COMP: variants seen among roughly 807,000 people sequenced by gnomAD.
COMP encodes the protein cartilage oligomeric matrix protein (pseudoachondroplasia, epiphyseal dysplasia 1, multiple).
In COMP, 79 loss-of-function variants were observed where a neutral mutation model predicts 95.8. The ratio of observed to expected loss-of-function variants is 0.82; its 90% CI spans 0.69 to 0.99. The LOEUF is 0.99. COMP is among the 50% of genes least tolerant of loss of function. The pLI, the probability that COMP is intolerant of heterozygous loss-of-function variation, is 0.00. For synonymous variants in COMP, 438 were observed against 433.9 expected (o/e 1.01, Z -0.12); for missense variants, 906 against 1,076.1 (o/e 0.84, Z 2.21).
rs373921516 is a variant in COMP, at chr19:18,790,940, G to A, written c.80-5C>T. 1.3e-6 allele frequency: 2 copies of A among 1,554,256 alleles called. No individual in the cohort carries two copies. The highest frequency in any genetic ancestry group is 1.9e-5 in the Admixed American group (1 of 51,678). On this transcript the variant is annotated splice_polypyrimidine_tract_variant and splice_region_variant and intron_variant, in intron 1 of 18. Coordinates refer to ENST00000222271, the MANE Select transcript of COMP (RefSeq NM_000095.3). Reference sequence around the variant, plus strand: ...TCTGCGGGCCCAGGTCTGAGCCTGCGGCGGCAGGGGACCTGGTGAGGCGTC... The same window carrying A: ...TCTGCGGGCCCAGGTCTGAGCCTGCAGCGGCAGGGGACCTGGTGAGGCGTC...
Position 18,784,668 on chromosome 19 carries a change from G to T in COMP, c.1914+228C>A, listed in dbSNP as rs532383419. 6.6e-6 allele frequency among the ~76,000 whole-genome samples: 1 copy of T among 152,190 alleles called. No individual in the cohort carries two copies. Among genetic ancestry groups the T allele is most frequent in the African/African-American group, 2.4e-5 (1 of 41,512 alleles). ...GGAAAAGTTTAGGGCTGTGTGAGAG[G>T]GTTTAGGGTCCATAGGAAGACTGGG... On this transcript the variant is annotated intron_variant, in intron 16 of 18. Transcript: ENST00000222271. This position sits in a 1 kb window ranked among gnomAD's most constrained non-coding sequence, Gnocchi z 4.9.
intron 17 of COMP, 53 bp from the exon 18 acceptor site, chr19:18,783,246 T>G: frequency 6.3e-7 from 1 of 1,591,608 alleles, no homozygotes; most frequent in Non-Finnish European, 8.5e-7. Flanking sequence ...CCCTTCCCTC[T>G]CAGAGCTTCA....
chr19:18,784,395 C>T lies in COMP; in HGVS notation c.1915-32G>A, dbSNP rs1601051555. On this transcript the variant is annotated intron_variant, in intron 16 of 18. Transcript: ENST00000222271. This position sits in a 1 kb window ranked among gnomAD's most constrained non-coding sequence, Gnocchi z 4.9. ...ATACCCAGGAAAGGTGGTCAGAGAC[C>T]TCGTGGGCCACCGGAGCCCCCCTAG... 2 of 1,613,114 alleles carry T rather than the reference C, an allele frequency of 1.2e-6. No homozygotes were observed. The highest frequency in any genetic ancestry group is 1.7e-6 in the Non-Finnish European group (2 of 1,179,718).
rs1601054895 is a variant in COMP, at chr19:18,786,743, G to T, written c.1136-93C>A. On this transcript the variant is annotated intron_variant, in intron 10 of 18. Transcript: ENST00000222271. ...GCCAGCCTGAGGCTGGCCTGGAACA[G>T]AGTCCCAACTTCATGGAAGCTTTTT... The T allele has an allele frequency of 2.2e-5, 12 of 553,184 alleles. No homozygotes were observed. The East Asian group carries it at 5.7e-4, about 26-fold the overall frequency. The allele number at this position is 553,184 out of a possible 1,614,324, so 34.3% of individuals were successfully genotyped here.
intron 9 of COMP, 136 bp from the exon 10 acceptor site, chr19:18,787,786 C>T (rs949980338): frequency 3.5e-6 from 4 of 1,154,158 alleles, no homozygotes; most frequent in Non-Finnish European, 2.5e-6. Flanking sequence ...AGGCCACGCC[C>T]CTCATCCAAG....
At position 18,788,712 on chromosome 19, in the gene COMP, C is replaced by T; in HGVS notation, c.642G>A (p.Val214=). The change falls in exon 7 of 19, where the codon GTG becomes GTA. Residue 214 remains valine (V), a synonymous_variant. Coordinates refer to ENST00000222271, the MANE Select transcript of COMP (RefSeq NM_000095.3). The surrounding 1 kb of genome is among the most constrained non-coding windows in gnomAD (Gnocchi z 4.7). ...FQCGPCQPGF[V]GDQASGCQRR... Reference sequence around the variant, plus strand: ...GCTGGCAGCCGGACGCCTGGTCGCCCACGAAGCCGGGCTGGCACGGGCCGC... The same window carrying T: ...GCTGGCAGCCGGACGCCTGGTCGCCTACGAAGCCGGGCTGGCACGGGCCGC... 1 of 1,542,328 alleles carries T rather than the reference C, an allele frequency of 6.5e-7. No individual in the cohort carries two copies. Among genetic ancestry groups the T allele is most frequent in the Non-Finnish European group, 8.7e-7 (1 of 1,145,022 alleles).
chr19:18,791,127 C>T, intron 1 of COMP, 64 bp downstream of exon 1: 5 of 1,536,970 alleles, frequency 3.3e-6, no homozygotes, highest in Non-Finnish European at 3.5e-6. Flanking sequence ...GATCCCGGGC[C>T]TCTCACGGGT....
Position 18,788,615 on chromosome 19 carries a change from G to T in COMP, c.739C>A (p.Arg247Ser), listed in dbSNP as rs537695502. 6.5e-6 allele frequency: 10 copies of T among 1,549,852 alleles called. 1 individual carries two copies. In the Middle Eastern group the frequency reaches 8.3e-4, roughly 129 times the overall value. The stretch of plus-strand genomic sequence containing the variant: ...ACCACGCACGACCGCGAGCCATCGC[G>T]CTCTAGGACGCAGTCTGCATGCTCG... ...CHEHADCVLE[R>S]DGSRSCVCAV... is the part of the protein sequence containing the mutation. Residue 247 changes from arginine to serine, a missense_variant, in exon 7 of 19, where the codon CGC becomes AGC. Physicochemically the swap from Arg to Ser is moderately radical, Grantham distance 110. Coordinates refer to ENST00000222271, the MANE Select transcript of COMP (RefSeq NM_000095.3). The surrounding 1 kb of genome is among the most constrained non-coding windows in gnomAD (Gnocchi z 4.7).
At chr19:18,787,268 T>C (rs527522148) in intron 10 of COMP, among the ~76,000 whole-genome samples, 286 of 152,368 alleles carry the variant, frequency 1.9e-3, no homozygotes, top group Non-Finnish European at 3.5e-3. Flanking sequence ...GCCTGCGGCA[T>C]TGACACAGGG....
At position 18,790,584 on chromosome 19, in the gene COMP, C is replaced by G; in HGVS notation, c.195G>C (p.Thr65=). The part of the protein sequence containing the change: ...QVREITFLKN[T]VMECDACGMQ... Reference sequence around the variant, plus strand: ...CACCGCACGCGTCACACTCCATCACCGTGTTTTTCAGGAACGTGATCTCCC... The same window carrying G: ...CACCGCACGCGTCACACTCCATCACGGTGTTTTTCAGGAACGTGATCTCCC... Residue 65 remains threonine, a synonymous_variant, in exon 3 of 19, where the codon ACG becomes ACC. Transcript: ENST00000222271. The G allele has an allele frequency of 8.1e-6, 13 of 1,613,942 alleles. No individual in the cohort carries two copies. The highest frequency in any genetic ancestry group is 1.1e-5 in the Non-Finnish European group (13 of 1,179,888).
In COMP at chr19:18,789,857, T is replaced by C. The variant is rs941992247; in HGVS notation, c.390+85A>G. 2.7e-6 allele frequency: 4 copies of C among 1,498,924 alleles called. No individual in the cohort carries two copies. The African/African-American group carries it at 4.1e-5, about 15-fold the overall frequency. The allele number at this position is 1,498,924 out of a possible 1,614,324, so 92.9% of individuals were successfully genotyped here. A position where few individuals can be genotyped will look rare whatever the true frequency, so the allele number is the denominator to read the frequency against. ...GGCTCTTCGGGGCGAACACTCCCAG[T>C]GGAGGAAGGGGTCTCCCGGGCGGCG... is the stretch of plus-strand genomic sequence containing the variant. On this transcript the variant is annotated intron_variant, in intron 4 of 18. Coordinates refer to ENST00000222271, the MANE Select transcript of COMP (RefSeq NM_000095.3). The surrounding 1 kb of genome is among the most constrained non-coding windows in gnomAD (Gnocchi z 6.1).
intron 3 of COMP, 128 bp from the exon 4 acceptor site, chr19:18,790,242 G>A: frequency 1.4e-6 from 1 of 699,056 alleles, no homozygotes; most frequent in Non-Finnish European, 2.2e-6. Flanking sequence ...GGGGCGGCCC[G>A]AAATCCTGCG....
rs1450602565 is a variant in COMP at position 18,789,620 on chromosome 19, T to C, written c.390+322A>G. Among the ~76,000 whole-genome samples the C allele has an allele frequency of 6.1e-5, 9 of 146,384 alleles. No individual in the cohort carries two copies. Among genetic ancestry groups the C allele is most frequent in the African/African-American group, 2.1e-4 (8 of 38,804 alleles). Reference sequence around the variant, plus strand: ...GGTCTGGGCGTGCGTTCCCTGGCTGTGGAAGGGTCGTTGGGACTGGCGATC... The same window carrying C: ...GGTCTGGGCGTGCGTTCCCTGGCTGCGGAAGGGTCGTTGGGACTGGCGATC... On this transcript the variant is annotated intron_variant, in intron 4 of 18. Transcript: ENST00000222271. This position sits in a 1 kb window ranked among gnomAD's most constrained non-coding sequence, Gnocchi z 6.1.
chr19:18,789,588 G>T lies in COMP; in HGVS notation c.391-291C>A, dbSNP rs942140763. Reference sequence around the variant, plus strand: ...CGTCGGGGCGTGCGTGCCCGGCGGTGGCGGGGGGTCTGGGCGTGCGTTCCC... The same window carrying T: ...CGTCGGGGCGTGCGTGCCCGGCGGTTGCGGGGGGTCTGGGCGTGCGTTCCC... On this transcript the variant is annotated intron_variant, in intron 4 of 18. Transcript: ENST00000222271. The surrounding 1 kb of genome is among the most constrained non-coding windows in gnomAD (Gnocchi z 6.1). Among the ~76,000 whole-genome samples, 1 of 151,924 alleles carries T rather than the reference G, an allele frequency of 6.6e-6. No individual in the cohort carries two copies. Among genetic ancestry groups the T allele is most frequent in the Non-Finnish European group, 1.5e-5 (1 of 67,962 alleles).
At position 18,782,884 on chromosome 19, in the gene COMP, GC is replaced by G. The variant is rs1363780611; in HGVS notation, c.*30del. The G allele has an allele frequency of 6.2e-7, 1 of 1,608,384 alleles. No homozygotes were observed. The highest frequency in any genetic ancestry group is 2.2e-5 in the East Asian group (1 of 44,888). On this transcript the variant is annotated 3_prime_UTR_variant, in exon 19 of 19. Coordinates refer to ENST00000222271, the MANE Select transcript of COMP (RefSeq NM_000095.3). Reference sequence around the variant, plus strand: ...CCCCCATCCAGCCGCGGTGAGGGTGGCTGTCATCCGGCGGGTCCTCACCCTG... The same window carrying G: ...CCCCCATCCAGCCGCGGTGAGGGTGGTGTCATCCGGCGGGTCCTCACCCTG...
chr19:18,789,231 C>A lies in COMP; in HGVS notation c.457G>T (p.Ala153Ser), dbSNP rs769066350. 2.6e-6 allele frequency: 4 copies of A among 1,532,502 alleles called. No individual in the cohort carries two copies. 94.9% of individuals were successfully genotyped at this position (1,532,502 alleles called of 1,614,324 possible). ...INTSPGFRCE[A>S]CPPGYSGPTH... ...GGGCCGCTGTACCCCGGCGGGCAAG[C>A]CTCGCAGCGGAACCCCGGGCTGGTG... Residue 153 changes from alanine (A) to serine (S), a missense_variant, in exon 5 of 19, where the codon GCT becomes TCT. Ala to Ser is a moderately conservative substitution (Grantham distance 99). Coordinates refer to ENST00000222271, the MANE Select transcript of COMP (RefSeq NM_000095.3). This position sits in a 1 kb window ranked among gnomAD's most constrained non-coding sequence, Gnocchi z 6.1.
chr19:18,787,122 G>A (rs1311193324), intron 10 of COMP: 6 of 408,542 alleles, frequency 1.5e-5, no homozygotes, highest in East Asian at 5.7e-5. Context: ...CTAGTGAGGG[G>A]GACGGGCTCT....
At chr19:18,785,466 G>C (rs749401915) in intron 15 of COMP, 32 bp downstream of exon 15, 6 of 1,609,078 alleles carry the variant, frequency 3.7e-6, no homozygotes, top group African/African-American at 2.7e-5. Flanking sequence ...AGCCCGCTCC[G>C]TGGCAGGATA....
chr19:18,790,306 G>A (rs926664686), intron 3 of COMP, among the ~76,000 whole-genome samples, 192 bp from the exon 4 acceptor site: 12 of 150,940 alleles, frequency 8.0e-5, no homozygotes, highest in Admixed American at 6.6e-4. Context: ...GGTCTCCCCG[G>A]TCTCTTCTCT....
Sources: gnomAD v4.1 joint callset for allele counts (sites outside exome capture counted in the v4.1 genomes callset) on GRCh38, gnomAD v4.1.1 for gene constraint, Gnocchi (gnomAD v3.1) non-coding constraint, MANE v1.5 for transcripts, NCBI Gene and HGNC (gene_info 2026-07-23, HGNC 2026-07-21) for gene names.